FAF1: variants seen among roughly 807,000 people sequenced by gnomAD.
FAF1 encodes Fas associated factor 1.
Under a neutral mutation model 92.5 loss-of-function variants are expected in FAF1, and 25 were observed. The observed-to-expected ratio is 0.27, with a 90% CI of 0.20 to 0.38. The LOEUF (loss-of-function observed/expected upper bound fraction) is 0.38, where lower values mean the gene tolerates loss of function less well. FAF1 is among the 10% of genes least tolerant of loss of function. The probability of loss-of-function intolerance (pLI) is 1.00; values close to 1 mark genes in which losing one functional copy is unlikely to be tolerated. For missense variants in FAF1, 636 were observed against 793.3 expected (o/e 0.80, Z 2.38); for synonymous variants, 234 against 273.2 (o/e 0.86, Z 1.42).
chr1:50,575,059 C>A (rs904445665), intron 12 of FAF1, among the ~76,000 whole-genome samples: 1 of 151,756 alleles, frequency 6.6e-6, no homozygotes, highest in Non-Finnish European at 1.5e-5. Context: ...CAGGCACCCG[C>A]CACCACGCCC....
chr1:50,903,151 G>C (rs1041349595), intron 1 of FAF1, among the ~76,000 whole-genome samples: 8 of 152,036 alleles, frequency 5.3e-5, no homozygotes, highest in African/African-American at 1.7e-4. Context: ...ACAGATACCT[G>C]TTCATATCTA....
At position 50,535,347 on chromosome 1, in the gene FAF1, T is replaced by C. The variant is rs751947091; in HGVS notation, c.1494+22A>G. The stretch of plus-strand genomic sequence containing the variant: ...CTATTAAAATCTCATCAAAATCCTA[T>C]TAAAGATCTGCATAACCTTACCTCG... On this transcript the variant is annotated intron_variant, in intron 15 of 18. Transcript: ENST00000396153. The C allele has an allele frequency of 5.4e-6, 8 of 1,479,940 alleles. No homozygotes were observed. The East Asian group carries it at 1.8e-4, about 34-fold the overall frequency. 91.7% of individuals were successfully genotyped at this position (1,479,940 alleles called of 1,614,324 possible).
intron 6 of FAF1, among the ~76,000 whole-genome samples, chr1:50,736,803 G>A (rs989788055): frequency 2.0e-5 from 3 of 151,978 alleles, no homozygotes; most frequent in East Asian, 3.8e-4. Context: ...TTTATTTGAT[G>A]AGTCACAAAA....
At chr1:50,596,383 C>A (rs543286932) in intron 8 of FAF1, among the ~76,000 whole-genome samples, 167 bp from the exon 9 acceptor site, 1 of 152,206 alleles carries the variant, frequency 6.6e-6, no homozygotes, top group African/African-American at 2.4e-5. Flanking sequence ...GAAATTTTTC[C>A]ACACATGGGA....
chr1:50,670,284 C>T (rs1338155588), intron 7 of FAF1, among the ~76,000 whole-genome samples: 1 of 151,940 alleles, frequency 6.6e-6, no homozygotes, highest in Admixed American at 6.6e-5. Flanking sequence ...GATGGGATTT[C>T]GCCATGTTGT....
chr1:50,628,685 A>G (rs1289444837), intron 8 of FAF1, among the ~76,000 whole-genome samples: 2 of 152,246 alleles, frequency 1.3e-5, no homozygotes, highest in Non-Finnish European at 2.9e-5. Flanking sequence ...AGGTGCACAC[A>G]GTAGTCACAC....
At chr1:50,642,312 G>C (rs2124250177) in intron 8 of FAF1, among the ~76,000 whole-genome samples, 1 of 151,676 alleles carries the variant, frequency 6.6e-6, no homozygotes, top group East Asian at 1.9e-4. Flanking sequence ...TGCTTGTTTA[G>C]TGGAAGAATG....
chr1:50,572,912 T>C (rs1650512788), intron 12 of FAF1, among the ~76,000 whole-genome samples: 1 of 152,172 alleles, frequency 6.6e-6, no homozygotes, highest in South Asian at 2.1e-4. Context: ...TTGCCCAAGC[T>C]GGTCTTGAAC....
chr1:50,959,647 C>A, intron 1 of FAF1, 120 bp downstream of exon 1: 2 of 725,774 alleles, frequency 2.8e-6, no homozygotes, highest in South Asian at 3.5e-5. Flanking sequence ...ACGCCACGCA[C>A]CGTATAAAAG....
At chr1:50,938,043 T>G (rs1645101343) in intron 1 of FAF1, among the ~76,000 whole-genome samples, 2 of 152,346 alleles carry the variant, frequency 1.3e-5, no homozygotes, top group South Asian at 4.1e-4. Flanking sequence ...ACACTGTTTT[T>G]TTATTAGGCA....
At chr1:50,631,803 A>G (rs911271929) in intron 8 of FAF1, among the ~76,000 whole-genome samples, 1 of 152,204 alleles carries the variant, frequency 6.6e-6, no homozygotes, top group Non-Finnish European at 1.5e-5. Flanking sequence ...GAAAAACATA[A>G]ACAGAAAATA....
chr1:50,718,108 C>T (rs1658261614), intron 6 of FAF1, among the ~76,000 whole-genome samples: 1 of 152,048 alleles, frequency 6.6e-6, no homozygotes, highest in Non-Finnish European at 1.5e-5. Context: ...CAACCTCCGC[C>T]TCCCGAGTTC....
intron 6 of FAF1, among the ~76,000 whole-genome samples, chr1:50,726,137 T>C (rs1658640529): frequency 6.6e-6 from 1 of 151,984 alleles, no homozygotes; most frequent in African/African-American, 2.4e-5. Context: ...GCACCTGTAA[T>C]CCCAGCTACT....
intron 7 of FAF1, among the ~76,000 whole-genome samples, chr1:50,667,071 T>C (rs1655673229): frequency 6.6e-6 from 1 of 152,242 alleles, no homozygotes; most frequent in South Asian, 2.1e-4. Flanking sequence ...TAGCAACTTG[T>C]TATTGTTTCA....
chr1:50,819,465 T>TAA (rs35111665), intron 2 of FAF1, among the ~76,000 whole-genome samples: 18 of 142,324 alleles, frequency 1.3e-4, no homozygotes, highest in African/African-American at 2.1e-4. Flanking sequence ...ATTTAAAAAT[T>TAA]AAAAAAAAAA....
chr1:50,604,592 C>T (rs1418880012), intron 8 of FAF1, among the ~76,000 whole-genome samples: 1 of 152,098 alleles, frequency 6.6e-6, no homozygotes, highest in Non-Finnish European at 1.5e-5. Flanking sequence ...ACTGCCACCT[C>T]GATCTCCCAG....
intron 15 of FAF1, among the ~76,000 whole-genome samples, chr1:50,506,073 A>T (rs1647054747): frequency 6.6e-6 from 1 of 152,240 alleles, no homozygotes; most frequent in Non-Finnish European, 1.5e-5. Flanking sequence ...TTTGCACCAC[A>T]GATAAAAATG....
chr1:50,679,131 A>G (rs1425780583), intron 7 of FAF1, among the ~76,000 whole-genome samples: 2 of 152,188 alleles, frequency 1.3e-5, no homozygotes, highest in Non-Finnish European at 2.9e-5. Flanking sequence ...TCTTTTATCT[A>G]CCAAACATGA....
At chr1:50,709,347 T>G (rs1210731213) in intron 6 of FAF1, among the ~76,000 whole-genome samples, 2 of 152,228 alleles carry the variant, frequency 1.3e-5, no homozygotes, top group African/African-American at 4.8e-5. Flanking sequence ...GTGGATACCC[T>G]GAATTCTAGA....
Sources: gnomAD v4.1 joint callset for allele counts (sites outside exome capture counted in the v4.1 genomes callset) on GRCh38, gnomAD v4.1.1 for gene constraint, MANE v1.5 for transcripts, NCBI Gene and HGNC (gene_info 2026-07-23, HGNC 2026-07-21) for gene names.